Variants in HIP1 observed in about 807,000 individuals in gnomAD.
HIP1 encodes huntingtin interacting protein 1.
A neutral mutation model predicts 147.6 loss-of-function variants in HIP1; 65 were observed. The observed-to-expected ratio is 0.44, with a 90% confidence interval of 0.36 to 0.54. The LOEUF is 0.54. HIP1 is among the 20% of genes least tolerant of loss of function. The pLI, the probability that HIP1 is intolerant of heterozygous loss-of-function variation, is 0.00. For synonymous variants in HIP1, 479 were observed against 504.0 expected, an observed-to-expected ratio of 0.95 and a Z score of 0.67; for missense variants, 1,061 against 1,299.6, an observed-to-expected ratio of 0.82 and a Z score of 2.82.
intron 2 of HIP1, among the ~76,000 whole-genome samples, chr7:75,595,559 G>A (rs1796712164): frequency 6.6e-6 from 1 of 151,840 alleles, no homozygotes; most frequent in Non-Finnish European, 1.5e-5. Flanking sequence ...GCTCAGGCTG[G>A]TCTCGAACTC....
intron 1 of HIP1, among the ~76,000 whole-genome samples, chr7:75,656,433 GA>G (rs34354618): frequency 6.0e-4 from 81 of 134,168 alleles, no homozygotes; most frequent in East Asian, 9.2e-4. Context: ...TATAAACTTA[GA>G]AAAAAAAAAA....
At chr7:75,700,985 G>A (rs1800812404) in intron 1 of HIP1, among the ~76,000 whole-genome samples, 2 of 152,018 alleles carry the variant, frequency 1.3e-5, no homozygotes, top group African/African-American at 2.4e-5. Flanking sequence ...GACTACAGGC[G>A]TGAGCCACCA....
At chr7:75,658,490 A>G (rs1473912606) in intron 1 of HIP1, among the ~76,000 whole-genome samples, 1 of 152,152 alleles carries the variant, frequency 6.6e-6, no homozygotes, top group Non-Finnish European at 1.5e-5. Flanking sequence ...CAGAATTGAG[A>G]AAAGGATTGG....
At chr7:75,662,365 A>G (rs1178756811) in intron 1 of HIP1, among the ~76,000 whole-genome samples, 1 of 151,972 alleles carries the variant, frequency 6.6e-6, no homozygotes, top group Non-Finnish European at 1.5e-5. Flanking sequence ...TTTGGTAAAG[A>G]TGAGGTCTTG....
In HIP1 at chr7:75,554,211, C is replaced by T. The variant is rs199870131; in HGVS notation, c.2060G>A (p.Gly687Glu). Residue 687 changes from glycine (G) to glutamate (E), a missense_variant, in exon 21 of 31, where the codon GGA (glycine) becomes GAA (glutamate). Around this residue, in one of 3 missense-constraint regions of HIP1, gnomAD observed 810 missense variants for 946.8 expected, o/e 0.86. Coordinates refer to ENST00000336926, the MANE Select transcript of HIP1 (RefSeq NM_005338.7). ...QYLACPEDIS[G>E]LLHSITLLAH... ...CAGCAGGGTTATGGAATGGAGAAGT[C>T]CACTGATGTCTGCCAGGATTGGAAA... is the stretch of plus-strand genomic sequence containing the variant. The T allele has an allele frequency of 8.7e-6, 14 of 1,613,338 alleles. No homozygotes were observed. The Admixed American group carries it at 1.3e-4, about 15-fold the overall frequency.
chr7:75,734,379 C>T (rs9801115), intron 1 of HIP1, among the ~76,000 whole-genome samples: 3 of 151,698 alleles, frequency 2.0e-5, no homozygotes, highest in Non-Finnish European at 4.4e-5. Flanking sequence ...CCAGGAGTCC[C>T]AGGCAAAACT....
chr7:75,585,455 C>G (rs1162740060), intron 5 of HIP1, among the ~76,000 whole-genome samples: 1 of 152,060 alleles, frequency 6.6e-6, no homozygotes, highest in African/African-American at 2.4e-5. Context: ...GGATGACAGG[C>G]GTGAGCCACT....
chr7:75,738,773 G>C (rs781989397), intron 1 of HIP1, 28 bp downstream of exon 1: 2 of 1,594,750 alleles, frequency 1.3e-6, no homozygotes, highest in Admixed American at 3.4e-5. Context: ...GGGTGCCCCA[G>C]GGATGCCCCG....
chr7:75,628,747 G>A (rs1269894131), intron 1 of HIP1, among the ~76,000 whole-genome samples: 5 of 152,176 alleles, frequency 3.3e-5, no homozygotes, highest in Non-Finnish European at 7.4e-5. Context: ...CCAAAGGGCC[G>A]GGATTGCAGG....
chr7:75,621,826 G>A (rs949280806), intron 1 of HIP1, among the ~76,000 whole-genome samples: 2 of 152,172 alleles, frequency 1.3e-5, no homozygotes, highest in African/African-American at 2.4e-5. Flanking sequence ...GGAGAACATC[G>A]TGATGATTTG....
At position 75,539,485 on chromosome 7, in the gene HIP1, T is replaced by A. The variant is rs1794219963; in HGVS notation, c.2953-54A>T. The A allele has an allele frequency of 3.6e-6, 5 of 1,386,460 alleles. No individual in the cohort carries two copies. The Admixed American group carries it at 8.9e-5, about 25-fold the overall frequency. The allele number at this position is 1,386,460 out of a possible 1,614,324, so 85.9% of individuals were successfully genotyped here. A position where few individuals can be genotyped will look rare whatever the true frequency, so the allele number is the denominator to read the frequency against. ...CTTAATCATCTCTCAGAGATTTAAT[T>A]TTTATTTATTTTTTTATAGAGATGG... On this transcript the variant is annotated intron_variant, in intron 29 of 30. Coordinates refer to ENST00000336926, the MANE Select transcript of HIP1 (RefSeq NM_005338.7).
At chr7:75,647,891 G>A (rs111440030) in intron 1 of HIP1, among the ~76,000 whole-genome samples, 12 of 152,274 alleles carry the variant, frequency 7.9e-5, no homozygotes, top group Non-Finnish European at 1.2e-4. Flanking sequence ...AGTGTGAGGC[G>A]TGGTGTGAAC....
At chr7:75,653,150 A>G (rs1023925147) in intron 1 of HIP1, among the ~76,000 whole-genome samples, 3 of 132,770 alleles carry the variant, frequency 2.3e-5, no homozygotes, top group Admixed American at 7.3e-5. Flanking sequence ...GGTCTGGGAG[A>G]AAAAAAAAAA....
intron 13 of HIP1, 40 bp from the exon 14 acceptor site, chr7:75,559,955 C>CCACGGGT (rs1554494274): frequency 6.5e-7 from 1 of 1,534,762 alleles, no homozygotes; most frequent in African/African-American, 1.4e-5. Flanking sequence ...CCGCCCACTG[C>CCACGGGT]CACGGGTCAC....
At chr7:75,585,515 C>A (rs1584835620) in intron 5 of HIP1, among the ~76,000 whole-genome samples, 1 of 152,054 alleles carries the variant, frequency 6.6e-6, no homozygotes, top group South Asian at 2.1e-4. Flanking sequence ...TTCCCCGCCT[C>A]CTCATGACAC....
chr7:75,592,637 A>C (rs1584849186), intron 2 of HIP1, 123 bp from the exon 3 acceptor site: 25 of 975,528 alleles, frequency 2.6e-5, no homozygotes, highest in African/African-American at 3.3e-5. Context: ...TAGAGGCTGC[A>C]CCCAGCCACT....
chr7:75,659,122 A>G (rs1554513211), intron 1 of HIP1, among the ~76,000 whole-genome samples: 1 of 152,190 alleles, frequency 6.6e-6, no homozygotes, highest in Non-Finnish European at 1.5e-5. Flanking sequence ...GGCCAGTCCC[A>G]GGGTTGAAAG....
rs376433625 is a variant in HIP1, at chr7:75,581,318, G to A, written c.543-20C>T. 9.4e-6 allele frequency: 15 copies of A among 1,601,820 alleles called. No individual in the cohort carries two copies. The African/African-American group carries it at 1.9e-4, about 20-fold the overall frequency. ...TGGAAACTGGACCCAAGAGGAAAGA[G>A]AGCTTACACTCCACAGCCTGAGGCC... On this transcript the variant is annotated intron_variant, in intron 6 of 30. Transcript: ENST00000336926.
rs968981855 is a variant in HIP1, at chr7:75,537,529, C to A, written c.*643G>T. The A allele has an allele frequency of 3.3e-4, 76 of 229,826 alleles. No homozygotes were observed. Among genetic ancestry groups the A allele is most frequent in the African/African-American group, 1.0e-3 (47 of 44,876 alleles). The allele number at this position is 229,826 out of a possible 1,614,324, so 14.2% of individuals were successfully genotyped here. A position where few individuals can be genotyped will look rare whatever the true frequency, so the allele number is the denominator to read the frequency against. On this transcript the variant is annotated 3_prime_UTR_variant, in exon 31 of 31. Transcript: ENST00000336926. ...TGTGAGTGAAACTTAAAAAAAAAAA[C>A]AAAACCAAAAAACCCAACCAACCAC...
Sources: gnomAD v4.1 joint callset for allele counts (sites outside exome capture counted in the v4.1 genomes callset) on GRCh38, gnomAD v4.1.1 for gene constraint, gnomAD v4.1.1 regional missense constraint, MANE v1.5 for transcripts, NCBI Gene and HGNC (gene_info 2026-07-23, HGNC 2026-07-21) for gene names.